Variants in SCAF8 observed in about 807,000 individuals in gnomAD.
SCAF8 encodes SR-related and CTD-associated factor 8.
In SCAF8, 23 loss-of-function variants were observed where a neutral mutation model predicts 140.5. The ratio of observed to expected loss-of-function variants is 0.16; its 90% CI spans 0.12 to 0.23. The LOEUF (loss-of-function observed/expected upper bound fraction) is 0.23. SCAF8 is among the 10% of genes least tolerant of loss of function. The pLI, the probability that SCAF8 is intolerant of heterozygous loss-of-function variation, is 1.00. For missense variants in SCAF8, 1,397 were observed against 1,555.7 expected (o/e 0.90, Z 1.72); for synonymous variants, 575 against 528.9 (o/e 1.09, Z -1.20).
chr6:154,733,839 C>G lies in SCAF8; in HGVS notation c.-62C>G. 6.6e-7 allele frequency: 1 copy of G among 1,526,250 alleles called. No individual in the cohort carries two copies. The highest frequency in any genetic ancestry group is 8.8e-7 in the Non-Finnish European group (1 of 1,142,828). 94.5% of individuals were successfully genotyped at this position (1,526,250 alleles called of 1,614,324 possible). Reference sequence around the variant, plus strand: ...CGCAGCAGCCCGCGTCTCGCTCTCCCCACCCAGTGCAGTGGCCGCCGCCTC... The same window carrying G: ...CGCAGCAGCCCGCGTCTCGCTCTCCGCACCCAGTGCAGTGGCCGCCGCCTC... On this transcript the variant is annotated 5_prime_UTR_variant, in exon 1 of 20. Transcript: ENST00000367178.
At chr6:154,812,830 G>T (rs1407915866) in intron 12 of SCAF8, among the ~76,000 whole-genome samples, 1 of 152,052 alleles carries the variant, frequency 6.6e-6, no homozygotes, top group Non-Finnish European at 1.5e-5. Flanking sequence ...AGATAATATT[G>T]AAAGAGATGG....
intron 1 of SCAF8, among the ~76,000 whole-genome samples, chr6:154,773,463 T>C (rs866272040): frequency 6.6e-6 from 1 of 152,230 alleles, no homozygotes; most frequent in Non-Finnish European, 1.5e-5. Flanking sequence ...TTTGGGTGTC[T>C]GCTTTTTTAT....
intron 18 of SCAF8, among the ~76,000 whole-genome samples, chr6:154,829,336 T>C (rs1198392028): frequency 6.6e-6 from 1 of 152,094 alleles, no homozygotes; most frequent in Non-Finnish European, 1.5e-5. Flanking sequence ...AGTAATGTAA[T>C]GCAACAGTAA....
At chr6:154,791,048 G>A (rs1195961663) in intron 4 of SCAF8, among the ~76,000 whole-genome samples, 1 of 152,190 alleles carries the variant, frequency 6.6e-6, no homozygotes, top group African/African-American at 2.4e-5. Context: ...TTCTCTGGGT[G>A]AAATGTTTAT....
At chr6:154,823,272 G>C in intron 16 of SCAF8, among the ~76,000 whole-genome samples, 1 of 152,160 alleles carries the variant, frequency 6.6e-6, no homozygotes, top group East Asian at 1.9e-4. Flanking sequence ...GGAGGATTTT[G>C]AGCAGAGGAG....
chr6:154,739,696 G>A (rs56286244), intron 1 of SCAF8, among the ~76,000 whole-genome samples: 17 of 152,240 alleles, frequency 1.1e-4, no homozygotes, highest in Non-Finnish European at 2.2e-4. Flanking sequence ...AACTGTTCCA[G>A]GATGCAGGCT....
chr6:154,804,418 A>G (rs967985910), intron 8 of SCAF8, among the ~76,000 whole-genome samples: 7 of 152,220 alleles, frequency 4.6e-5, no homozygotes, highest in Admixed American at 1.3e-4. Flanking sequence ...TCAGTGTCCT[A>G]AACAATGTAA....
chr6:154,752,597 T>G (rs1174546036), intron 1 of SCAF8, among the ~76,000 whole-genome samples: 1 of 152,108 alleles, frequency 6.6e-6, no homozygotes, highest in Non-Finnish European at 1.5e-5. Flanking sequence ...AATTTAATAG[T>G]GGGTAAAAGT....
At chr6:154,806,287 G>C (rs1275611057) in intron 9 of SCAF8, among the ~76,000 whole-genome samples, 2 of 152,112 alleles carry the variant, frequency 1.3e-5, no homozygotes, top group Non-Finnish European at 2.9e-5. Context: ...TTATTTCAAA[G>C]CCTTTTTCTG....
chr6:154,829,199 T>A (rs187931890), intron 18 of SCAF8, among the ~76,000 whole-genome samples: 1 of 152,224 alleles, frequency 6.6e-6, no homozygotes, highest in East Asian at 1.9e-4. Context: ...AATAAATCTT[T>A]TCTTTGTAGA....
intron 1 of SCAF8, among the ~76,000 whole-genome samples, chr6:154,771,306 A>G (rs1197655246): frequency 6.6e-6 from 1 of 152,138 alleles, no homozygotes; most frequent in Non-Finnish European, 1.5e-5. Context: ...TTTAAGATGG[A>G]TGGGTATGCA....
At chr6:154,811,406 T>C (rs1008008102) in intron 12 of SCAF8, among the ~76,000 whole-genome samples, 2 of 152,134 alleles carry the variant, frequency 1.3e-5, no homozygotes, top group Non-Finnish European at 2.9e-5. Context: ...TTTTTTTTTT[T>C]TTAACCATTT....
chr6:154,774,339 G>A (rs1211020958), intron 2 of SCAF8, among the ~76,000 whole-genome samples: 1 of 152,114 alleles, frequency 6.6e-6, no homozygotes, highest in East Asian at 1.9e-4. Context: ...ATAGCTCACT[G>A]TGGCCTCGAC....
intron 3 of SCAF8, among the ~76,000 whole-genome samples, chr6:154,785,304 AT>A (rs1777220222): frequency 1.3e-5 from 2 of 152,174 alleles, no homozygotes. Context: ...GAACAGTGTA[AT>A]ATTTACATAT....
chr6:154,804,326 T>A (rs1237476273), intron 8 of SCAF8, among the ~76,000 whole-genome samples: 1 of 152,174 alleles, frequency 6.6e-6, no homozygotes, highest in South Asian at 2.1e-4. Flanking sequence ...TTTAGTAAAA[T>A]GATTCCCCTT....
chr6:154,764,234 ATTACACTG>A (rs1444636461), intron 1 of SCAF8, among the ~76,000 whole-genome samples: 1 of 151,662 alleles, frequency 6.6e-6, no homozygotes, highest in Non-Finnish European at 1.5e-5. Context: ...GAATGAATTA[ATTACACTG>A]AAAACCAAGG....
intron 4 of SCAF8, among the ~76,000 whole-genome samples, chr6:154,788,680 C>G (rs560955718): frequency 6.6e-6 from 1 of 152,308 alleles, no homozygotes; most frequent in African/African-American, 2.4e-5. Context: ...TGATATTTAA[C>G]TGCATATTAA....
At chr6:154,790,138 A>C (rs1777371431) in intron 4 of SCAF8, among the ~76,000 whole-genome samples, 1 of 152,178 alleles carries the variant, frequency 6.6e-6, no homozygotes, top group Admixed American at 6.5e-5. Context: ...TCTCAATCAT[A>C]AATGAAGGAC....
chr6:154,827,269 T>G lies in SCAF8; in HGVS notation c.2140+29T>G, dbSNP rs777241547. 3.4e-6 allele frequency: 5 copies of G among 1,472,288 alleles called. No homozygotes were observed. The South Asian group carries it at 3.7e-5, about 11-fold the overall frequency. 91.2% of individuals were successfully genotyped at this position (1,472,288 alleles called of 1,614,324 possible). On this transcript the variant is annotated intron_variant, in intron 18 of 19. Transcript: ENST00000367178. The stretch of plus-strand genomic sequence containing the variant: ...AGTTTTCTACTTTTAGAGTTTTCTT[T>G]ATTCATGGTAGTGTTAATTTTAGTG...
Sources: gnomAD v4.1 joint callset for allele counts (sites outside exome capture counted in the v4.1 genomes callset) on GRCh38, gnomAD v4.1.1 for gene constraint, MANE v1.5 for transcripts, NCBI Gene and HGNC (gene_info 2026-07-23, HGNC 2026-07-21) for gene names.